The following CNOT2 variants were observed in gnomAD, a reference collection of about 807,000 sequenced individuals.
CNOT2 encodes CC chemokine receptor 4-negative regulator of transcription 2.
In CNOT2, 7 loss-of-function variants were observed where a neutral mutation model predicts 72.1. That is an observed-to-expected ratio of 0.10 (90% CI 0.06 to 0.18). CNOT2 has a LOEUF of 0.18. Ranked by LOEUF, CNOT2 falls within the 10% of genes least tolerant of loss-of-function variation. The pLI, the probability that CNOT2 is intolerant of heterozygous loss-of-function variation, is 1.00. For synonymous variants in CNOT2, 196 were observed against 225.6 expected (o/e 0.87, Z 1.17); for missense variants, 345 against 660.3 (o/e 0.52, Z 5.23).
At position 70,346,394 on chromosome 12, in the gene CNOT2, T is replaced by C. The variant is rs777914406; in HGVS notation, c.1536+70T>C. 5 of 1,300,984 alleles carry C rather than the reference T, an allele frequency of 3.8e-6. No homozygotes were observed. The East Asian group carries it at 1.2e-4, about 30-fold the overall frequency. The allele number at this position is 1,300,984 out of a possible 1,614,324, so 80.6% of individuals were successfully genotyped here. A position where few individuals can be genotyped will look rare whatever the true frequency, so the allele number is the denominator to read the frequency against. ...AAAGAAGTGTCCTCTTTTATCTGTT[T>C]ATAAGTACCAATACATCCAGTTCCA... is the stretch of plus-strand genomic sequence containing the variant. On this transcript the variant is annotated intron_variant, in intron 15 of 15. Transcript: ENST00000229195.
intron 1 of CNOT2, among the ~76,000 whole-genome samples, chr12:70,250,869 T>A (rs1958111320): frequency 6.6e-6 from 1 of 152,188 alleles, no homozygotes; most frequent in Admixed American, 6.5e-5. Context: ...AGCATAATGA[T>A]CTGTGTCTTT....
intron 1 of CNOT2, among the ~76,000 whole-genome samples, chr12:70,255,735 A>G (rs1006282858): frequency 6.6e-6 from 1 of 152,212 alleles, no homozygotes; most frequent in African/African-American, 2.4e-5. Context: ...CTGAAACTCT[A>G]GAAATTGGAG....
rs567548238 is a variant in CNOT2 at position 70,319,245 on chromosome 12, G to A, written c.172-53G>A. The A allele has an allele frequency of 7.5e-6, 11 of 1,471,136 alleles. No individual in the cohort carries two copies. The East Asian group carries it at 2.1e-4, about 27-fold the overall frequency. The allele number at this position is 1,471,136 out of a possible 1,614,324, so 91.1% of individuals were successfully genotyped here. A position where few individuals can be genotyped will look rare whatever the true frequency, so the allele number is the denominator to read the frequency against. ...ATTTACAGATTTGTGGAGTGTAAAT[G>A]CAATGCTCTGCTCTGTTTTCTTTAT... On this transcript the variant is annotated intron_variant, in intron 3 of 15. Coordinates refer to ENST00000229195, the MANE Select transcript of CNOT2 (RefSeq NM_014515.7).
At chr12:70,273,629 T>TGA (rs1316292351) in intron 1 of CNOT2, among the ~76,000 whole-genome samples, 1 of 152,182 alleles carries the variant, frequency 6.6e-6, no homozygotes, top group Non-Finnish European at 1.5e-5. Flanking sequence ...TGAAGAGCTT[T>TGA]TAATTTTCAA....
chr12:70,354,620 C>T lies in CNOT2; in HGVS notation c.*705C>T, dbSNP rs1212045038. On this transcript the variant is annotated 3_prime_UTR_variant, in exon 16 of 16. Coordinates refer to ENST00000229195, the MANE Select transcript of CNOT2 (RefSeq NM_014515.7). ...TGTACATTTTTTTTAAATTTTTGGA[C>T]ATCACATGAATAAAGGTATGTATGT... 6.6e-6 allele frequency: 1 copy of T among 152,420 alleles called. No homozygotes were observed. Among genetic ancestry groups the T allele is most frequent in the Non-Finnish European group, 1.5e-5 (1 of 68,030 alleles). The allele number at this position is 152,420 out of a possible 1,614,324, so 9.4% of individuals were successfully genotyped here.
chr12:70,287,153 A>AT (rs200599733), intron 2 of CNOT2, among the ~76,000 whole-genome samples: 4,039 of 151,364 alleles, frequency 0.027, 125 homozygotes, highest in African/African-American at 0.059. Context: ...TTGATACAGG[A>AT]TTTTTTTTAT....
chr12:70,352,872 A>G (rs1159232716), intron 15 of CNOT2, among the ~76,000 whole-genome samples: 1 of 152,126 alleles, frequency 6.6e-6, no homozygotes, highest in Non-Finnish European at 1.5e-5. Flanking sequence ...TTAATACAGT[A>G]TTTTGAAAGT....
chr12:70,322,231 G>C (rs1324014188), intron 4 of CNOT2: 1 of 151,690 alleles, frequency 6.6e-6, no homozygotes, highest in Non-Finnish European at 1.5e-5. Context: ...CACTATTCAA[G>C]GACCTGCTGT....
intron 1 of CNOT2, among the ~76,000 whole-genome samples, chr12:70,248,429 GATT>G (rs1455764872): frequency 6.6e-6 from 1 of 152,074 alleles, no homozygotes; most frequent in Non-Finnish European, 1.5e-5. Context: ...CTGTGAATTT[GATT>G]ATTATTATCT....
intron 1 of CNOT2, chr12:70,243,838 C>A (rs1224994695): frequency 6.6e-6 from 1 of 152,120 alleles, no homozygotes; most frequent in Non-Finnish European, 1.5e-5. Flanking sequence ...AGACTCCACT[C>A]CCCTAGGCTC....
At chr12:70,290,269 G>A (rs1323481587) in intron 2 of CNOT2, among the ~76,000 whole-genome samples, 1 of 150,232 alleles carries the variant, frequency 6.7e-6, no homozygotes, top group African/African-American at 2.5e-5. Flanking sequence ...TTCCTTCCAT[G>A]CATGTGCTAA....
At chr12:70,315,723 A>T (rs1877217573) in intron 3 of CNOT2, among the ~76,000 whole-genome samples, 2 of 152,090 alleles carry the variant, frequency 1.3e-5, no homozygotes. Context: ...GATTTCTGAG[A>T]GATATGGAAG....
chr12:70,307,610 A>G (rs764143359), intron 2 of CNOT2: 2 of 151,746 alleles, frequency 1.3e-5, no homozygotes, highest in African/African-American at 2.4e-5. Context: ...CGTTGTAACC[A>G]GTAATTTCAA....
chr12:70,316,031 A>T (rs1348796341), intron 3 of CNOT2, among the ~76,000 whole-genome samples: 1 of 152,154 alleles, frequency 6.6e-6, no homozygotes, highest in Non-Finnish European at 1.5e-5. Context: ...TTGAGCACAT[A>T]CTATATGCCA....
chr12:70,290,282 A>C (rs77557068), intron 2 of CNOT2, among the ~76,000 whole-genome samples: 2,022 of 150,874 alleles, frequency 0.013, 44 homozygotes, highest in African/African-American at 0.046. Context: ...TGTGCTAATC[A>C]GTACTTAGCT....
chr12:70,314,958 G>A (rs1877079292), intron 3 of CNOT2, among the ~76,000 whole-genome samples: 1 of 152,010 alleles, frequency 6.6e-6, no homozygotes, highest in Non-Finnish European at 1.5e-5. Context: ...CCGCCTCCTG[G>A]GTTCAAGTGA....
At chr12:70,272,076 T>G (rs547160726) in intron 1 of CNOT2, among the ~76,000 whole-genome samples, 2 of 152,340 alleles carry the variant, frequency 1.3e-5, no homozygotes, top group Non-Finnish European at 2.9e-5. Context: ...GGTCTTTTTC[T>G]TACTAGACAA....
At chr12:70,280,752 G>A (rs985507769) in intron 2 of CNOT2, among the ~76,000 whole-genome samples, 3 of 152,124 alleles carry the variant, frequency 2.0e-5, no homozygotes, top group African/African-American at 7.2e-5. Context: ...AATGGGCTTG[G>A]TTTGAAGTAT....
chr12:70,274,719 A>AT (rs201144541), intron 1 of CNOT2, among the ~76,000 whole-genome samples: 1,662 of 152,162 alleles, frequency 0.011, 13 homozygotes, highest in Non-Finnish European at 0.018. Context: ...TAATTGATCT[A>AT]TTTTTTGGGT....
Sources: allele counts gnomAD v4.1 joint callset (sites outside exome capture counted in the v4.1 genomes callset), GRCh38; gene constraint gnomAD v4.1.1; transcripts MANE v1.5; gene names NCBI Gene and HGNC (gene_info 2026-07-23, HGNC 2026-07-21).